Variants in TLK2 observed in about 807,000 individuals in gnomAD.
TLK2 encodes the protein tousled like kinase 2, also known as serine/threonine-protein kinase tousled-like 2.
TLK2 carries 6 observed loss-of-function variants against 117.3 expected under a neutral mutation model. The observed-to-expected ratio is 0.05, with a 90% CI of 0.03 to 0.10. The LOEUF is 0.10. Ranked by LOEUF, TLK2 falls within the 10% of genes least tolerant of loss-of-function variation. The probability of loss-of-function intolerance (pLI) is 1.00; values close to 1 mark genes in which losing one functional copy is unlikely to be tolerated. For synonymous variants in TLK2, 257 were observed against 316.7 expected (o/e 0.81, Z 2.00); for missense variants, 299 against 901.2 (o/e 0.33, Z 8.56).
At chr17:62,547,678 A>G (rs2078051986) in intron 7 of TLK2, among the ~76,000 whole-genome samples, 2 of 152,208 alleles carry the variant, frequency 1.3e-5, no homozygotes, top group Admixed American at 6.5e-5. Context: ...ATTTGGAAAC[A>G]TCTAACACCC....
intron 16 of TLK2, among the ~76,000 whole-genome samples, chr17:62,587,088 T>C (rs1410420546): frequency 6.6e-6 from 1 of 151,960 alleles, no homozygotes; most frequent in Non-Finnish European, 1.5e-5. Context: ...GCAGCCTTCA[T>C]CTGTACTTGG....
chr17:62,596,753 C>G, intron 17 of TLK2, 79 bp downstream of exon 17: 1 of 1,286,708 alleles, frequency 7.8e-7, no homozygotes, highest in South Asian at 1.2e-5. Context: ...GAGCTGAACT[C>G]TGGGTCCAGG....
chr17:62,596,517 A>G, intron 16 of TLK2, 68 bp from the exon 17 acceptor site: 1 of 1,118,432 alleles, frequency 8.9e-7, no homozygotes, highest in African/African-American at 1.5e-5. Flanking sequence ...AATATTTAGG[A>G]GGATCTTTGA....
intron 6 of TLK2, among the ~76,000 whole-genome samples, chr17:62,525,111 C>G (rs1440664324): frequency 6.6e-6 from 1 of 152,216 alleles, no homozygotes; most frequent in Non-Finnish European, 1.5e-5. Flanking sequence ...ACCTCTTACT[C>G]AAGAGTGTGC....
At chr17:62,540,902 G>T (rs949117726) in intron 7 of TLK2, among the ~76,000 whole-genome samples, 3 of 152,150 alleles carry the variant, frequency 2.0e-5, no homozygotes, top group African/African-American at 7.2e-5. Flanking sequence ...GGCCCTGCAT[G>T]GTTTGTTTTC....
At chr17:62,553,391 A>G (rs2078622705) in intron 8 of TLK2, 1 of 290,058 alleles carries the variant, frequency 3.4e-6, no homozygotes, top group African/African-American at 2.2e-5. Context: ...GTGTTTCTAC[A>G]TTGTTCAGTG....
intron 2 of TLK2, among the ~76,000 whole-genome samples, chr17:62,488,098 C>T (rs923311491): frequency 3.3e-5 from 5 of 151,996 alleles, no homozygotes; most frequent in Admixed American, 3.3e-4. Context: ...CCATGCCCAC[C>T]TAATTTTTGT....
At chr17:62,601,673 C>A (rs2082886926) in intron 18 of TLK2, among the ~76,000 whole-genome samples, 1 of 152,296 alleles carries the variant, frequency 6.6e-6, no homozygotes, top group African/African-American at 2.4e-5. Flanking sequence ...ATTCCTCCCC[C>A]ACACCCCAAG....
intron 17 of TLK2, among the ~76,000 whole-genome samples, chr17:62,598,536 T>C (rs972184535): frequency 1.3e-5 from 2 of 152,120 alleles, no homozygotes; most frequent in African/African-American, 2.4e-5. Flanking sequence ...TTCCTTTTTT[T>C]TTTCCTGAGA....
intron 2 of TLK2, among the ~76,000 whole-genome samples, chr17:62,506,014 G>A (rs1444107288): frequency 2.0e-5 from 3 of 152,186 alleles, no homozygotes; most frequent in Non-Finnish European, 2.9e-5. Context: ...ATCCAAGTCA[G>A]TGTCTATTTA....
chr17:62,572,407 G>A lies in TLK2; in HGVS notation c.969-808G>A, dbSNP rs144561588. ...ATATCTGTTAGGTGGTAGGATACATGAGAGAAAGTGTTTTTTTTTTTTACA... is the reference window on the plus strand; with the variant it reads ...ATATCTGTTAGGTGGTAGGATACATAAGAGAAAGTGTTTTTTTTTTTTACA... On this transcript the variant is annotated intron_variant, in intron 11 of 21. Coordinates refer to ENST00000346027, the MANE Select transcript of TLK2 (RefSeq NM_006852.6). 2.0e-4 allele frequency among the ~76,000 whole-genome samples: 30 copies of A among 151,690 alleles called. No homozygotes were observed. In the East Asian group the frequency reaches 5.6e-3, roughly 28 times the overall value.
At chr17:62,480,346 AAGT>A (rs1310184252) in intron 1 of TLK2, among the ~76,000 whole-genome samples, 1 of 152,146 alleles carries the variant, frequency 6.6e-6, no homozygotes, top group Non-Finnish European at 1.5e-5. Flanking sequence ...TATTTGCTGA[AAGT>A]AGCCTGTGCA....
chr17:62,606,090 G>T, intron 19 of TLK2, 40 bp from the exon 20 acceptor site: 4 of 885,194 alleles, frequency 4.5e-6, no homozygotes, highest in East Asian at 3.1e-5. Context: ...AAACTTATAT[G>T]ATCATTATTC....
chr17:62,510,271 C>CA (rs970029382), intron 2 of TLK2, among the ~76,000 whole-genome samples: 3 of 151,850 alleles, frequency 2.0e-5, no homozygotes, highest in Admixed American at 1.3e-4. Flanking sequence ...GACCCTGTCT[C>CA]AAAAAAAATT....
intron 2 of TLK2, among the ~76,000 whole-genome samples, chr17:62,511,476 T>G (rs2075140747): frequency 6.6e-6 from 1 of 152,142 alleles, no homozygotes. Context: ...GTTCAAGTGA[T>G]CCTCCCATCT....
intron 2 of TLK2, among the ~76,000 whole-genome samples, chr17:62,483,216 G>T (rs934270176): frequency 2.1e-5 from 3 of 146,302 alleles, no homozygotes; most frequent in African/African-American, 7.9e-5. Flanking sequence ...CCGTAAGTCA[G>T]TAAGTTTGTA....
chr17:62,566,998 C>T (rs751445846), intron 11 of TLK2, among the ~76,000 whole-genome samples: 3 of 152,124 alleles, frequency 2.0e-5, no homozygotes, highest in African/African-American at 2.4e-5. Context: ...GAGGCCGAAG[C>T]GGGTGGATCA....
intron 7 of TLK2, among the ~76,000 whole-genome samples, chr17:62,546,482 C>A (rs1395401758): frequency 2.0e-5 from 3 of 147,242 alleles, no homozygotes; most frequent in Non-Finnish European, 3.0e-5. Flanking sequence ...CTGTGCTATT[C>A]ATGTTTCTTT....
At chr17:62,559,901 A>T in intron 9 of TLK2, 115 bp from the exon 10 acceptor site, 1 of 608,440 alleles carries the variant, frequency 1.6e-6, no homozygotes, top group African/African-American at 1.9e-5. Flanking sequence ...TTTGAACTTT[A>T]ATTTTGCTTT....
Sources: allele counts gnomAD v4.1 joint callset (sites outside exome capture counted in the v4.1 genomes callset), GRCh38; gene constraint gnomAD v4.1.1; transcripts MANE v1.5; gene names NCBI Gene and HGNC (gene_info 2026-07-23, HGNC 2026-07-21).